Variants in FOXP1 observed in about 807,000 individuals in gnomAD.
FOXP1 encodes the protein forkhead box protein P1.
Under a neutral mutation model 98.2 loss-of-function variants are expected in FOXP1, and 15 were observed. The ratio of observed to expected loss-of-function variants is 0.15; its 90% CI spans 0.10 to 0.24. The LOEUF (loss-of-function observed/expected upper bound fraction) is 0.24. Ranked by LOEUF, FOXP1 falls within the 10% of genes least tolerant of loss-of-function variation. The pLI is 1.00. For synonymous variants in FOXP1, 371 were observed against 314.5 expected, an observed-to-expected ratio of 1.18 and a Z score of -1.90; for missense variants, 633 against 848.5, an observed-to-expected ratio of 0.75 and a Z score of 3.15.
intron 4 of FOXP1, among the ~76,000 whole-genome samples, chr3:71,326,484 T>C (rs1300018485): frequency 6.6e-6 from 1 of 152,190 alleles, no homozygotes; most frequent in Admixed American, 6.5e-5. Context: ...TTCATGCTTA[T>C]TCTGTGATGG....
chr3:71,470,591 T>C (rs1381505072), intron 3 of FOXP1, among the ~76,000 whole-genome samples: 1 of 151,966 alleles, frequency 6.6e-6, no homozygotes. Flanking sequence ...ATACAAAAAA[T>C]TAGCCAGACG....
chr3:71,297,321 T>G (rs1039994039), intron 5 of FOXP1, among the ~76,000 whole-genome samples: 3 of 152,098 alleles, frequency 2.0e-5, no homozygotes, highest in Non-Finnish European at 2.9e-5. Flanking sequence ...TCTAGAAACA[T>G]TTCTTTCCAA....
At chr3:71,240,606 G>A (rs1018219120) in intron 5 of FOXP1, among the ~76,000 whole-genome samples, 2 of 151,898 alleles carry the variant, frequency 1.3e-5, no homozygotes, top group East Asian at 2.0e-4. Flanking sequence ...GTAGTGGCGC[G>A]ATCTCGGCTT....
chr3:71,120,829 C>T (rs1418247935), intron 6 of FOXP1, among the ~76,000 whole-genome samples: 2 of 152,204 alleles, frequency 1.3e-5, no homozygotes, highest in Admixed American at 6.5e-5. Context: ...TACTTACAGA[C>T]ATGATTTTAT....
At chr3:71,207,014 C>G (rs1163047007) in intron 5 of FOXP1, among the ~76,000 whole-genome samples, 2 of 152,172 alleles carry the variant, frequency 1.3e-5, no homozygotes, top group African/African-American at 4.8e-5. Context: ...AGGAGCTTTG[C>G]CAATCCAGTG....
chr3:71,319,910 G>A (rs1016679460), intron 4 of FOXP1, among the ~76,000 whole-genome samples: 2 of 152,076 alleles, frequency 1.3e-5, no homozygotes, highest in Admixed American at 6.6e-5. Context: ...ACACTCTGGA[G>A]GCACATTTGA....
chr3:71,163,437 C>G (rs1460262559), intron 6 of FOXP1, among the ~76,000 whole-genome samples: 1 of 152,152 alleles, frequency 6.6e-6, no homozygotes, highest in Non-Finnish European at 1.5e-5. Context: ...GGCTGTGACT[C>G]AGGTGGTGGA....
chr3:71,403,722 GCAC>G (rs1344143155), intron 3 of FOXP1, among the ~76,000 whole-genome samples: 1 of 152,094 alleles, frequency 6.6e-6, no homozygotes, highest in East Asian at 1.9e-4. Context: ...GTGGTGGCAG[GCAC>G]CTGTAGTCCC....
At chr3:71,129,219 A>G (rs1186773109) in intron 6 of FOXP1, among the ~76,000 whole-genome samples, 1 of 152,020 alleles carries the variant, frequency 6.6e-6, no homozygotes, top group African/African-American at 2.4e-5. Context: ...CACTCTTTCC[A>G]TTTTCCCTGC....
In FOXP1 at chr3:71,006,676, G is replaced by T. The variant is rs116014235; in HGVS notation, c.975-5617C>A. On this transcript the variant is annotated intron_variant, in intron 12 of 20. Coordinates refer to ENST00000649528, the MANE Select transcript of FOXP1 (RefSeq NM_001349338.3). The stretch of plus-strand genomic sequence containing the variant: ...AGTAATGCCTTCTAATTACATGCCG[G>T]AAATGATCACATGAAATACCTAAGC... Among the ~76,000 whole-genome samples the T allele has an allele frequency of 2.4e-3, 371 of 152,112 alleles. 1 individual carries two copies. The highest frequency in any genetic ancestry group is 8.7e-3 in the African/African-American group (359 of 41,480).
intron 6 of FOXP1, among the ~76,000 whole-genome samples, chr3:71,186,478 C>T (rs1359003035): frequency 1.3e-5 from 2 of 152,164 alleles, no homozygotes; most frequent in African/African-American, 2.4e-5. Flanking sequence ...TTTGGGAAGC[C>T]GAGGCAGGCG....
At chr3:71,027,767 A>G (rs150246282) in intron 11 of FOXP1, among the ~76,000 whole-genome samples, 1 of 152,204 alleles carries the variant, frequency 6.6e-6, no homozygotes, top group Non-Finnish European at 1.5e-5. Flanking sequence ...CTTAGCCACC[A>G]ATTTTTATAA....
At chr3:71,100,462 A>G (rs2056854372) in intron 7 of FOXP1, among the ~76,000 whole-genome samples, 1 of 152,242 alleles carries the variant, frequency 6.6e-6, no homozygotes. Context: ...TTAAGGTCTT[A>G]TAGTCAGAGG....
intron 5 of FOXP1, among the ~76,000 whole-genome samples, chr3:71,295,184 A>G (rs2073159754): frequency 6.6e-6 from 1 of 152,218 alleles, no homozygotes; most frequent in Non-Finnish European, 1.5e-5. Flanking sequence ...CTGGTAACTC[A>G]GTAACGACTG....
intron 6 of FOXP1, chr3:71,197,891 A>C (rs1221847780): frequency 1.9e-6 from 3 of 1,614,074 alleles, no homozygotes; most frequent in Non-Finnish European, 1.7e-6. Flanking sequence ...ATTTCTCCAA[A>C]GAATAATTTT....
At chr3:70,985,037 C>T (rs2039497799) in intron 14 of FOXP1, among the ~76,000 whole-genome samples, 1 of 152,194 alleles carries the variant, frequency 6.6e-6, no homozygotes, top group African/African-American at 2.4e-5. Context: ...TGAAAAGCAA[C>T]ATTTACAGCA....
rs185587207 is a variant in FOXP1 at position 71,268,594 on chromosome 3, C to A, written c.-12+31226G>T. Among the ~76,000 whole-genome samples the A allele has an allele frequency of 1.3e-3, 200 of 152,216 alleles. 3 individuals carry two copies. The South Asian group carries it at 0.016, about 12-fold the overall frequency. On this transcript the variant is annotated intron_variant, in intron 5 of 20. Coordinates refer to ENST00000649528, the MANE Select transcript of FOXP1 (RefSeq NM_001349338.3). ...ATGGTTTGCTTGGAGACACATCATGCCAGCCCCTCTGACCAAGTGATAAGA... is the reference window on the plus strand; with the variant it reads ...ATGGTTTGCTTGGAGACACATCATGACAGCCCCTCTGACCAAGTGATAAGA...
intron 4 of FOXP1, among the ~76,000 whole-genome samples, chr3:71,307,418 A>G (rs530305931): frequency 6.6e-6 from 1 of 152,368 alleles, no homozygotes; most frequent in East Asian, 1.9e-4. Flanking sequence ...CCCAAAACTC[A>G]TTTCAAACAT....
intron 1 of FOXP1, chr3:71,582,201 A>G: frequency 1.0e-6 from 1 of 983,062 alleles, no homozygotes; most frequent in Non-Finnish European, 1.2e-6. Context: ...ACCAAGGCGG[A>G]GCTCACAACA....
Sources: allele counts gnomAD v4.1 joint callset (sites outside exome capture counted in the v4.1 genomes callset), GRCh38; gene constraint gnomAD v4.1.1; transcripts MANE v1.5; gene names NCBI Gene and HGNC (gene_info 2026-07-23, HGNC 2026-07-21).